The following MAML1 variants were observed in gnomAD, a reference collection of about 807,000 sequenced individuals.
MAML1 encodes mastermind like transcriptional coactivator 1.
A neutral mutation model predicts 77.1 loss-of-function variants in MAML1; 14 were observed. The ratio of observed to expected loss-of-function variants is 0.18; its 90% CI spans 0.12 to 0.28. The LOEUF (loss-of-function observed/expected upper bound fraction) is 0.28, where lower values mean the gene tolerates loss of function less well. Ranked by LOEUF, MAML1 falls within the 10% of genes least tolerant of loss-of-function variation. The pLI, the probability that MAML1 is intolerant of heterozygous loss-of-function variation, is 1.00. For missense variants in MAML1, 1,217 were observed against 1,327.8 expected (o/e 0.92, Z 1.30); for synonymous variants, 516 against 551.9 (o/e 0.93, Z 0.91).
chr5:179,766,797 C>G lies in MAML1; in HGVS notation c.1731+56C>G, dbSNP rs1779828506. ...TGCTGCAGACACTTCAGTGAGGTTA[C>G]TCACTACTTTGGATGTTAATTGGAT... On this transcript the variant is annotated intron_variant, in intron 2 of 4. Transcript: ENST00000292599. This position sits in a 1 kb window ranked among gnomAD's most constrained non-coding sequence, Gnocchi z 4.0. The G allele has an allele frequency of 7.1e-7, 1 of 1,404,028 alleles. No homozygotes were observed. Among genetic ancestry groups the G allele is most frequent in the African/African-American group, 1.4e-5 (1 of 69,494 alleles). 87.0% of individuals were successfully genotyped at this position (1,404,028 alleles called of 1,614,324 possible).
rs758665772 is a variant in MAML1, at chr5:179,766,134, G to A, written c.1124G>A (p.Arg375Lys). The A allele has an allele frequency of 1.9e-6, 3 of 1,574,842 alleles. No individual in the cohort carries two copies. The highest frequency in any genetic ancestry group is 4.5e-5 in the East Asian group (2 of 44,522). ...TCAGCCCAGGCCCAGAACGCACAAA[G>A]AGCCCTTGCAGGTGTGGTATTGCCC... ...PASAQAQNAQRALAGVVLPSQ... is the reference protein window; with the variant it reads ...PASAQAQNAQKALAGVVLPSQ... The change falls in exon 2 of 5, where the codon AGA becomes AAA. Residue 375 changes from arginine to lysine, a missense_variant. This residue lies in a region of MAML1 where 884 missense variants were observed against 949.3 expected (regional missense o/e 0.93). Coordinates refer to ENST00000292599, the MANE Select transcript of MAML1 (RefSeq NM_014757.5). The surrounding 1 kb of genome is among the most constrained non-coding windows in gnomAD (Gnocchi z 4.0).
At position 179,777,015 on chromosome 5, in the gene MAML1, G is replaced by A; in HGVS notation, c.*2138G>A. 1 of 984,882 alleles carries A rather than the reference G, an allele frequency of 1.0e-6. No homozygotes were observed. The highest frequency in any genetic ancestry group is 1.2e-6 in the Non-Finnish European group (1 of 829,088). 61.0% of individuals were successfully genotyped at this position (984,882 alleles called of 1,614,324 possible). On this transcript the variant is annotated 3_prime_UTR_variant, in exon 5 of 5. Coordinates refer to ENST00000292599, the MANE Select transcript of MAML1 (RefSeq NM_014757.5). ...ATGTTTACAATTTTATATGAAAGATGGAATAAGCGCTAGAGCTTCCAACTG... is the reference window on the plus strand; with the variant it reads ...ATGTTTACAATTTTATATGAAAGATAGAATAAGCGCTAGAGCTTCCAACTG...
intron 1 of MAML1, among the ~76,000 whole-genome samples, chr5:179,744,796 C>A (rs940861719): frequency 1.3e-5 from 2 of 152,098 alleles, no homozygotes; most frequent in African/African-American, 4.8e-5. Flanking sequence ...CAAGTTGATT[C>A]ATGCAGAATA....
intron 1 of MAML1, among the ~76,000 whole-genome samples, chr5:179,737,728 C>G (rs1779194570): frequency 1.0e-5 from 1 of 99,140 alleles, no homozygotes; most frequent in East Asian, 2.7e-4. Flanking sequence ...TCTGCTTAGT[C>G]TGTTAGAGAT....
In MAML1 at chr5:179,775,155, C is replaced by T. The variant is rs1756107336; in HGVS notation, c.*278C>T. On this transcript the variant is annotated 3_prime_UTR_variant, in exon 5 of 5. Transcript: ENST00000292599. ...TTCTAAAGGTGGTTTTCTATCCAAA[C>T]GACCAAAAAACCAACAGTAACACCA... The T allele has an allele frequency of 1.7e-5, 19 of 1,149,540 alleles. No homozygotes were observed. Among genetic ancestry groups the T allele is most frequent in the South Asian group, 3.5e-5 (1 of 28,450 alleles). 71.2% of individuals were successfully genotyped at this position (1,149,540 alleles called of 1,614,324 possible). A position where few individuals can be genotyped will look rare whatever the true frequency, so the allele number is the denominator to read the frequency against.
intron 1 of MAML1, among the ~76,000 whole-genome samples, chr5:179,764,339 T>C (rs945744752): frequency 6.6e-6 from 1 of 152,044 alleles, no homozygotes; most frequent in African/African-American, 2.4e-5. Context: ...AGACAGATTA[T>C]GTTCAAGCAA....
At chr5:179,753,183 TAGTGTGTG>T (rs1441882160) in intron 1 of MAML1, among the ~76,000 whole-genome samples, 2 of 108,974 alleles carry the variant, frequency 1.8e-5, no homozygotes, top group Non-Finnish European at 3.7e-5. Flanking sequence ...TGCTATTTTT[TAGTGTGTG>T]TGTGTGTGTG....
At chr5:179,750,463 A>ATT (rs11419551) in intron 1 of MAML1, among the ~76,000 whole-genome samples, 4 of 151,776 alleles carry the variant, frequency 2.6e-5, no homozygotes, top group South Asian at 2.1e-4. Context: ...CTCTCAATAG[A>ATT]TTTTTTTGTT....
chr5:179,755,618 C>T (rs1779595955), intron 1 of MAML1, among the ~76,000 whole-genome samples: 1 of 151,950 alleles, frequency 6.6e-6, no homozygotes, highest in Admixed American at 6.6e-5. Flanking sequence ...GAAGCTTGTC[C>T]AGCCTGCGGC....
At chr5:179,772,285 A>AT (rs1265120321) in intron 4 of MAML1, among the ~76,000 whole-genome samples, 1 of 151,926 alleles carries the variant, frequency 6.6e-6, no homozygotes, top group African/African-American at 2.4e-5. Context: ...CGCCCGGCTC[A>AT]TTTTTGTATT....
At chr5:179,758,537 T>C (rs1216360030) in intron 1 of MAML1, among the ~76,000 whole-genome samples, 1 of 151,852 alleles carries the variant, frequency 6.6e-6, no homozygotes, top group Admixed American at 6.6e-5. Flanking sequence ...ACTACAGATA[T>C]GCCCCACTGT....
chr5:179,754,581 C>A (rs1779574357), intron 1 of MAML1, among the ~76,000 whole-genome samples: 2 of 151,926 alleles, frequency 1.3e-5, no homozygotes, highest in Admixed American at 6.6e-5. Context: ...TAGAGCAAGA[C>A]CCTGTCTCAA....
At chr5:179,759,863 T>G (rs963562200) in intron 1 of MAML1, among the ~76,000 whole-genome samples, 2 of 152,076 alleles carry the variant, frequency 1.3e-5, no homozygotes, top group African/African-American at 2.4e-5. Flanking sequence ...AAGTGAGAGA[T>G]ATGTGTGTTA....
intron 1 of MAML1, among the ~76,000 whole-genome samples, chr5:179,734,061 T>C (rs1371409879): frequency 1.3e-5 from 2 of 152,234 alleles, no homozygotes; most frequent in Non-Finnish European, 2.9e-5. Context: ...ATCAGGCCTG[T>C]TTAAAATCTC....
At chr5:179,755,821 A>G (rs112417296) in intron 1 of MAML1, among the ~76,000 whole-genome samples, 2,189 of 151,042 alleles carry the variant, frequency 0.014, 69 homozygotes, top group African/African-American at 0.051. Flanking sequence ...CTTGAATGCA[A>G]TGGCGTGATC....
intron 1 of MAML1, among the ~76,000 whole-genome samples, chr5:179,758,109 C>T (rs1054596292): frequency 6.6e-6 from 1 of 152,112 alleles, no homozygotes; most frequent in Non-Finnish European, 1.5e-5. Flanking sequence ...ATTTCAAAAA[C>T]GTTTAAATTT....
rs772290945 is a variant in MAML1, at chr5:179,766,475, C to T, written c.1465C>T (p.Leu489=). The T allele has an allele frequency of 5.6e-6, 9 of 1,610,322 alleles. No individual in the cohort carries two copies. Among genetic ancestry groups the T allele is most frequent in the Non-Finnish European group, 7.6e-6 (9 of 1,178,302 alleles). ...CTACCTCCAGCCCAGCCATGTGAAC[C>T]TGCTGAGTCACCAGCCACCGAGTAA... ...GPYLQPSHVN[L]LSHQPPSNLN... is the part of the protein sequence containing the mutation. The change falls in exon 2 of 5, where the codon CTG becomes TTG. Residue 489 remains leucine (L), a synonymous_variant. Coordinates refer to ENST00000292599, the MANE Select transcript of MAML1 (RefSeq NM_014757.5). This position sits in a 1 kb window ranked among gnomAD's most constrained non-coding sequence, Gnocchi z 4.0.
chr5:179,738,083 A>G (rs1387514742), intron 1 of MAML1, among the ~76,000 whole-genome samples: 3 of 152,194 alleles, frequency 2.0e-5, no homozygotes, highest in African/African-American at 7.2e-5. Context: ...TTATTTGTAA[A>G]TAATGTCAAA....
chr5:179,774,846 G>A lies in MAML1; in HGVS notation c.3020G>A (p.Ser1007Asn), dbSNP rs6895902. Residue 1007 changes from serine to asparagine, a missense_variant, in exon 5 of 5, where the codon AGT becomes AAT. Around this residue, in one of 3 missense-constraint regions of MAML1, gnomAD observed 884 missense variants for 949.3 expected, o/e 0.93. Coordinates refer to ENST00000292599, the MANE Select transcript of MAML1 (RefSeq NM_014757.5). ...LKNRTSEEWM[S>N]DLDDLLGSQ ...AACAGGACTTCAGAGGAGTGGATGA[G>A]TGATTTGGACGACCTGTTAGGGTCT... 0.32 allele frequency: 517,695 copies of A among 1,611,242 alleles called. 86,293 individuals are homozygous for A. The highest frequency in any genetic ancestry group is 0.35 in the Non-Finnish European group (410,163 of 1,177,964).
Sources: gnomAD v4.1 joint callset for allele counts (sites outside exome capture counted in the v4.1 genomes callset) on GRCh38, gnomAD v4.1.1 for gene constraint, gnomAD v4.1.1 regional missense constraint, Gnocchi (gnomAD v3.1) non-coding constraint, MANE v1.5 for transcripts, NCBI Gene and HGNC (gene_info 2026-07-23, HGNC 2026-07-21) for gene names.